CDH23: variants seen among roughly 807,000 people sequenced by gnomAD.
The protein encoded by CDH23 is cadherin-23.
A neutral mutation model predicts 317.1 loss-of-function variants in CDH23; 189 were observed. That is an observed-to-expected ratio of 0.60 (90% CI 0.53 to 0.67). CDH23 has a LOEUF of 0.67. Ranked by LOEUF, CDH23 falls within the 30% of genes least tolerant of loss-of-function variation. The pLI is 0.00. For synonymous variants in CDH23, 1,839 were observed against 1,876.8 expected, an observed-to-expected ratio of 0.98 and a Z score of 0.52; for missense variants, 4,401 against 4,592.4, an observed-to-expected ratio of 0.96 and a Z score of 1.20.
intron 38 of CDH23, among the ~76,000 whole-genome samples, chr10:71,744,516 TC>T (rs2132851644): frequency 6.6e-6 from 1 of 152,258 alleles, no homozygotes; most frequent in East Asian, 1.9e-4. Flanking sequence ...TTGGGATTGG[TC>T]CCCATGGCTA....
intron 6 of CDH23, among the ~76,000 whole-genome samples, chr10:71,556,871 AT>A (rs926997234): frequency 6.6e-6 from 1 of 152,096 alleles, no homozygotes; most frequent in Non-Finnish European, 1.5e-5. Flanking sequence ...TTATCTATTG[AT>A]TTTTCACCTA....
chr10:71,560,312 T>G (rs900164531), intron 6 of CDH23, among the ~76,000 whole-genome samples: 23 of 152,186 alleles, frequency 1.5e-4, no homozygotes, highest in Admixed American at 1.5e-3. Flanking sequence ...TTTCTTATTC[T>G]CAGTGAAAGT....
At chr10:71,540,907 T>C (rs1282677282) in intron 6 of CDH23, among the ~76,000 whole-genome samples, 1 of 151,880 alleles carries the variant, frequency 6.6e-6, no homozygotes, top group African/African-American at 2.4e-5. Flanking sequence ...TGAATGGGTC[T>C]CTCTCATGTT....
chr10:71,694,111 C>A, intron 20 of CDH23, 36 bp from the exon 21 acceptor site: 2 of 1,564,430 alleles, frequency 1.3e-6, no homozygotes, highest in South Asian at 1.1e-5. Context: ...CTGGCCCACC[C>A]AAACCCTCTC....
chr10:71,647,357 G>A (rs1862943728), intron 14 of CDH23, among the ~76,000 whole-genome samples: 1 of 152,170 alleles, frequency 6.6e-6, no homozygotes, highest in African/African-American at 2.4e-5. Flanking sequence ...CAGCTACTAG[G>A]GAGGCTGAGG....
At chr10:71,628,002 C>T (rs1462346436) in intron 11 of CDH23, among the ~76,000 whole-genome samples, 2 of 152,206 alleles carry the variant, frequency 1.3e-5, no homozygotes, top group African/African-American at 4.8e-5. Flanking sequence ...ACCCTGGAAC[C>T]TCCCATACTC....
rs377685388 is a variant in CDH23, at chr10:71,733,837, C to T, written c.4105-403C>T. 3.3e-5 allele frequency among the ~76,000 whole-genome samples: 5 copies of T among 152,320 alleles called. No individual in the cohort carries two copies. In the East Asian group the frequency reaches 5.8e-4, roughly 18 times the overall value. On this transcript the variant is annotated intron_variant, in intron 32 of 69. Coordinates refer to ENST00000224721, the MANE Select transcript of CDH23 (RefSeq NM_022124.6). Reference sequence around the variant, plus strand: ...GTAGGCAAGGTGTGAATCACTACAACGTGACAGGCCTTGTCCTAGAGGATA... The same window carrying T: ...GTAGGCAAGGTGTGAATCACTACAATGTGACAGGCCTTGTCCTAGAGGATA...
chr10:71,728,159 A>T (rs1042989904), intron 30 of CDH23, among the ~76,000 whole-genome samples: 1 of 152,168 alleles, frequency 6.6e-6, no homozygotes, highest in East Asian at 1.9e-4. Flanking sequence ...GTTTACCGAA[A>T]AAGAGTTCCT....
At chr10:71,813,138 C>G (rs955308869) in intron 68 of CDH23, 106 bp from the exon 69 acceptor site, 9 of 1,199,282 alleles carry the variant, frequency 7.5e-6, no homozygotes, top group Non-Finnish European at 1.1e-5. Context: ...GCCCTAGGAT[C>G]ACCAGGATCA....
intron 11 of CDH23, among the ~76,000 whole-genome samples, chr10:71,621,129 G>A (rs148957449): frequency 1.9e-4 from 29 of 152,356 alleles, no homozygotes; most frequent in Non-Finnish European, 3.5e-4. Flanking sequence ...ACCACAAAGA[G>A]AAATCAGGCA....
intron 13 of CDH23, 76 bp from the exon 14 acceptor site, chr10:71,646,383 G>A: frequency 6.3e-7 from 1 of 1,577,254 alleles, no homozygotes; most frequent in South Asian, 1.2e-5. Flanking sequence ...CAAAGGCATG[G>A]AGAGGACTTA....
intron 38 of CDH23, chr10:71,760,597 G>A: frequency 2.4e-6 from 1 of 417,110 alleles, no homozygotes; most frequent in Non-Finnish European, 4.4e-6. Flanking sequence ...CTGTCATGAG[G>A]CACTTGCCCT....
chr10:71,723,881 A>G (rs1304457711), intron 28 of CDH23, among the ~76,000 whole-genome samples, 164 bp from the exon 29 acceptor site: 1 of 152,136 alleles, frequency 6.6e-6, no homozygotes, highest in Non-Finnish European at 1.5e-5. Flanking sequence ...GATTAGAAAG[A>G]CATACACGTC....
In CDH23 at chr10:71,806,189, C is replaced by A. The variant is rs1464296095; in HGVS notation, c.8086C>A (p.Leu2696Met). The change falls in exon 57 of 70, where the codon CTG (leucine) becomes ATG (methionine). Residue 2696 changes from leucine (L) to methionine (M), a missense_variant. Coordinates refer to ENST00000224721, the MANE Select transcript of CDH23 (RefSeq NM_022124.6). ...VYSLILVASD[L>M]GQPVPYETMQ... The stretch of plus-strand genomic sequence containing the variant: ...CTAGCTCATCTTGGTGGCCAGCGAC[C>A]TGGGCCAGCCAGTGCCATACGAGAC... 1.9e-6 allele frequency: 3 copies of A among 1,567,326 alleles called. No homozygotes were observed. The Admixed American group carries it at 5.7e-5, about 30-fold the overall frequency.
intron 11 of CDH23, among the ~76,000 whole-genome samples, chr10:71,638,923 C>T (rs1862400048): frequency 6.6e-6 from 1 of 152,090 alleles, no homozygotes; most frequent in Non-Finnish European, 1.5e-5. Flanking sequence ...CGGGGCAGCC[C>T]TCCTGGCAGC....
chr10:71,528,897 T>C (rs552161179), intron 6 of CDH23, among the ~76,000 whole-genome samples: 1 of 152,310 alleles, frequency 6.6e-6, no homozygotes, highest in South Asian at 2.1e-4. Flanking sequence ...GATGGGGCAC[T>C]GCACTAAAAC....
intron 38 of CDH23, chr10:71,752,205 A>C (rs1840022384): frequency 4.6e-6 from 2 of 431,728 alleles, no homozygotes; most frequent in African/African-American, 2.0e-5. Context: ...CTCTTTGGTC[A>C]ATAGAGTTGA....
In CDH23 at chr10:71,702,195, C is replaced by T. The variant is rs759568030; in HGVS notation, c.2571C>T (p.Val857=). 3 of 1,613,772 alleles carry T rather than the reference C, an allele frequency of 1.9e-6. No homozygotes were observed. Among genetic ancestry groups the T allele is most frequent in the Non-Finnish European group, 2.5e-6 (3 of 1,179,862 alleles). Residue 857 remains valine, a synonymous_variant, in exon 23 of 70, where the codon GTC becomes GTT. Coordinates refer to ENST00000224721, the MANE Select transcript of CDH23 (RefSeq NM_022124.6). ...PHEAELMRKI[V]VSVTDCGRPP... is the part of the protein sequence containing the mutation. ...AGGCCGAGCTGATGCGCAAAATCGT[C>T]GTCTCTGTTACTGACTGTATGGACC...
chr10:71,693,787 C>T (rs1435130988), intron 20 of CDH23, among the ~76,000 whole-genome samples: 1 of 152,216 alleles, frequency 6.6e-6, no homozygotes, highest in African/African-American at 2.4e-5. Flanking sequence ...AAGATAATGT[C>T]AAAAGTCTAA....
Sources: gnomAD v4.1 joint callset for allele counts (sites outside exome capture counted in the v4.1 genomes callset) on GRCh38, gnomAD v4.1.1 for gene constraint, MANE v1.5 for transcripts, NCBI Gene and HGNC (gene_info 2026-07-23, HGNC 2026-07-21) for gene names.